SPOCK1: variants seen among roughly 807,000 people sequenced by gnomAD.
SPOCK1 encodes the protein testican-1.
A neutral mutation model predicts 55.3 loss-of-function variants in SPOCK1; 23 were observed. The ratio of observed to expected loss-of-function variants is 0.42; its 90% confidence interval spans 0.30 to 0.59. The LOEUF (loss-of-function observed/expected upper bound fraction) is 0.59. Ranked by LOEUF, SPOCK1 falls within the 20% of genes least tolerant of loss-of-function variation. The pLI, the probability that SPOCK1 is intolerant of heterozygous loss-of-function variation, is 0.22. For missense variants in SPOCK1, 499 were observed against 552.5 expected (o/e 0.90, Z 0.97); for synonymous variants, 226 against 221.0 (o/e 1.02, Z -0.20).
At chr5:137,129,061 T>C (rs1273242843) in intron 4 of SPOCK1, among the ~76,000 whole-genome samples, 2 of 152,190 alleles carry the variant, frequency 1.3e-5, no homozygotes, top group Non-Finnish European at 2.9e-5. Context: ...ACTCTCCAAC[T>C]GAAAGCCACA....
At chr5:136,980,309 G>A (rs1750704802) in intron 9 of SPOCK1, among the ~76,000 whole-genome samples, 1 of 151,880 alleles carries the variant, frequency 6.6e-6, no homozygotes, top group African/African-American at 2.4e-5. Context: ...CATTTTTAAT[G>A]TGAGAAAATC....
chr5:137,179,558 T>C (rs767378280), intron 3 of SPOCK1, among the ~76,000 whole-genome samples: 1 of 152,144 alleles, frequency 6.6e-6, no homozygotes, highest in Non-Finnish European at 1.5e-5. Context: ...TACGACACCT[T>C]TTTGTTTAAC....
At chr5:137,425,423 A>G (rs956401013) in intron 2 of SPOCK1, among the ~76,000 whole-genome samples, 1 of 152,214 alleles carries the variant, frequency 6.6e-6, no homozygotes, top group East Asian at 1.9e-4. Context: ...CCTCCAAAAA[A>G]GAATGACCTG....
chr5:137,150,638 G>A (rs1223769069), intron 3 of SPOCK1, among the ~76,000 whole-genome samples: 1 of 152,078 alleles, frequency 6.6e-6, no homozygotes, highest in African/African-American at 2.4e-5. Flanking sequence ...GAATTTGGTG[G>A]CAAGGGGTAT....
At position 137,299,131 on chromosome 5, in the gene SPOCK1, A is replaced by C. The variant is rs554335724; in HGVS notation, c.187-32076T>G. On this transcript the variant is annotated intron_variant, in intron 2 of 10. Transcript: ENST00000394945. ...TTCTTATACTGTCTATTTTGGCTACATCTTTTACTATTTTTAGTAACTGAT... is the reference window on the plus strand; with the variant it reads ...TTCTTATACTGTCTATTTTGGCTACCTCTTTTACTATTTTTAGTAACTGAT... Among the ~76,000 whole-genome samples, 7 of 152,132 alleles carry C rather than the reference A, an allele frequency of 4.6e-5. No homozygotes were observed. In the South Asian group the frequency reaches 1.2e-3, roughly 27 times the overall value.
chr5:137,350,974 T>G (rs1750666763), intron 2 of SPOCK1, among the ~76,000 whole-genome samples: 1 of 152,228 alleles, frequency 6.6e-6, no homozygotes, highest in Non-Finnish European at 1.5e-5. Context: ...ACATATTTCA[T>G]TCATGATTCT....
intron 3 of SPOCK1, among the ~76,000 whole-genome samples, chr5:137,198,986 C>T (rs1236196491): frequency 6.6e-6 from 1 of 152,182 alleles, no homozygotes; most frequent in Non-Finnish European, 1.5e-5. Context: ...GAGAACAATC[C>T]TTTATGTGAT....
At chr5:137,138,998 A>AT (rs1473424913) in intron 4 of SPOCK1, among the ~76,000 whole-genome samples, 13 of 152,184 alleles carry the variant, frequency 8.5e-5, no homozygotes, top group African/African-American at 3.1e-4. Context: ...CAGTCCTCTC[A>AT]TTTGTAAAGC....
At chr5:137,338,331 C>G (rs1750334001) in intron 2 of SPOCK1, among the ~76,000 whole-genome samples, 1 of 152,120 alleles carries the variant, frequency 6.6e-6, no homozygotes, top group South Asian at 2.1e-4. Flanking sequence ...ATCCATGTCC[C>G]TACAAAGGAC....
At chr5:137,055,983 C>T (rs1752291993) in intron 6 of SPOCK1, among the ~76,000 whole-genome samples, 1 of 152,180 alleles carries the variant, frequency 6.6e-6, no homozygotes, top group Non-Finnish European at 1.5e-5. Context: ...CTACAAAACC[C>T]AACTTTTCCA....
intron 2 of SPOCK1, among the ~76,000 whole-genome samples, chr5:137,274,003 G>C (rs916148674): frequency 2.0e-5 from 3 of 152,170 alleles, no homozygotes; most frequent in Admixed American, 6.5e-5. Flanking sequence ...GGGACTTTCT[G>C]TCTGTCCTGG....
At chr5:137,200,530 C>G (rs1755405288) in intron 3 of SPOCK1, among the ~76,000 whole-genome samples, 2 of 152,136 alleles carry the variant, frequency 1.3e-5, no homozygotes, top group African/African-American at 4.8e-5. Context: ...GCATTCCTGT[C>G]GGTTTACTGT....
At chr5:137,420,174 G>T (rs1462556934) in intron 2 of SPOCK1, among the ~76,000 whole-genome samples, 2 of 152,206 alleles carry the variant, frequency 1.3e-5, no homozygotes, top group Non-Finnish European at 2.9e-5. Context: ...TAAGCTTTTT[G>T]ATGTGCTGCT....
At chr5:137,278,653 C>T (rs923160585) in intron 2 of SPOCK1, among the ~76,000 whole-genome samples, 7 of 152,278 alleles carry the variant, frequency 4.6e-5, no homozygotes, top group East Asian at 1.9e-4. Flanking sequence ...CAGGCACTGA[C>T]GCAACTCTGT....
In SPOCK1 at chr5:137,180,121, C is replaced by A. The variant is rs369041772; in HGVS notation, c.233-39427G>T. On this transcript the variant is annotated intron_variant, in intron 3 of 10. Coordinates refer to ENST00000394945, the MANE Select transcript of SPOCK1 (RefSeq NM_004598.4). Reference sequence around the variant, plus strand: ...GGAATCTACCTGGATCTGGCAGAGGCAAGCATCCGGTTCTCCACCCCTCTA... The same window carrying A: ...GGAATCTACCTGGATCTGGCAGAGGAAAGCATCCGGTTCTCCACCCCTCTA... Among the ~76,000 whole-genome samples the A allele has an allele frequency of 7.9e-5, 12 of 152,256 alleles. No individual in the cohort carries two copies. In the East Asian group the frequency reaches 1.4e-3, roughly 17 times the overall value.
At chr5:137,081,112 G>A (rs1752871894) in intron 5 of SPOCK1, among the ~76,000 whole-genome samples, 1 of 152,212 alleles carries the variant, frequency 6.6e-6, no homozygotes, top group Non-Finnish European at 1.5e-5. Flanking sequence ...AGCCTTCTGA[G>A]GGGCATTCCA....
At chr5:137,464,046 C>A (rs1469275639) in intron 2 of SPOCK1, among the ~76,000 whole-genome samples, 1 of 152,212 alleles carries the variant, frequency 6.6e-6, no homozygotes, top group African/African-American at 2.4e-5. Context: ...TGCCTGTAAT[C>A]CCAGCACTTT....
chr5:137,377,134 T>C (rs776656303), intron 2 of SPOCK1, among the ~76,000 whole-genome samples: 1 of 152,244 alleles, frequency 6.6e-6, no homozygotes, highest in Non-Finnish European at 1.5e-5. Context: ...TTCAGTTTGT[T>C]GGCCCAATGA....
chr5:137,356,608 T>A (rs1476710604), intron 2 of SPOCK1, among the ~76,000 whole-genome samples: 1 of 150,886 alleles, frequency 6.6e-6, no homozygotes, highest in Non-Finnish European at 1.5e-5. Flanking sequence ...CTGGCCAACA[T>A]GGCAAAACCC....
Sources: allele counts gnomAD v4.1 joint callset (sites outside exome capture counted in the v4.1 genomes callset), GRCh38; gene constraint gnomAD v4.1.1; transcripts MANE v1.5; gene names NCBI Gene and HGNC (gene_info 2026-07-23, HGNC 2026-07-21).